Variants in UGT1A9 observed in about 807,000 individuals in gnomAD.
The protein encoded by UGT1A9 is UDP-glucuronosyltransferase 1A9.
A neutral mutation model predicts 45.0 loss-of-function variants in UGT1A9; 35 were observed. The observed-to-expected ratio is 0.78, with a 90% CI of 0.59 to 1.03. The LOEUF is 1.03. UGT1A9 is among the 50% of genes least tolerant of loss of function. The probability of loss-of-function intolerance (pLI) is 0.00; values close to 1 mark genes in which losing one functional copy is unlikely to be tolerated. For synonymous variants in UGT1A9, 278 were observed against 250.6 expected (o/e 1.11, Z -1.03); for missense variants, 687 against 666.6 (o/e 1.03, Z -0.34).
intron 1 of UGT1A9, among the ~76,000 whole-genome samples, chr2:233,733,415 C>T (rs778280209): frequency 6.6e-5 from 10 of 152,224 alleles, no homozygotes; most frequent in East Asian, 1.9e-4. Context: ...TTCCAGTTTT[C>T]GCCTACTCAG....
chr2:233,713,010 G>A (rs778526502), intron 1 of UGT1A9: 3 of 1,613,638 alleles, frequency 1.9e-6, no homozygotes, highest in Non-Finnish European at 2.5e-6. Context: ...AGGACTCCAG[G>A]TTCCCCTGCC....
At chr2:233,761,302 C>T (rs1697737544) in intron 1 of UGT1A9, 1 of 1,473,836 alleles carries the variant, frequency 6.8e-7, no homozygotes, top group Non-Finnish European at 9.2e-7. Context: ...AGGTTTGAGT[C>T]TGTCTTTGGC....
chr2:233,744,372 A>C (rs181518181), intron 1 of UGT1A9, among the ~76,000 whole-genome samples: 3 of 151,890 alleles, frequency 2.0e-5, no homozygotes. Flanking sequence ...TTAGGACTGC[A>C]GTTCTCCAAC....
intron 1 of UGT1A9, chr2:233,743,584 G>A: frequency 7.3e-7 from 1 of 1,367,326 alleles, no homozygotes; most frequent in Non-Finnish European, 9.8e-7. Flanking sequence ...AGAGGTCAAA[G>A]GAGAATGGGT....
intron 1 of UGT1A9, chr2:233,755,502 C>T (rs1234908381): frequency 5.5e-6 from 1 of 180,326 alleles, no homozygotes; most frequent in Non-Finnish European, 1.2e-5. Flanking sequence ...GCTCCAAGAC[C>T]AGGCCCCGCC....
At chr2:233,718,205 T>A (rs2076639631) in intron 1 of UGT1A9, among the ~76,000 whole-genome samples, 2 of 152,198 alleles carry the variant, frequency 1.3e-5, no homozygotes, top group Non-Finnish European at 2.9e-5. Flanking sequence ...AGCTTTTTTT[T>A]ATATTGACAG....
chr2:233,688,161 C>T (rs544073369), intron 1 of UGT1A9, among the ~76,000 whole-genome samples: 1 of 152,300 alleles, frequency 6.6e-6, no homozygotes, highest in East Asian at 1.9e-4. Flanking sequence ...CTATTCTGGG[C>T]ATTTCATGGA....
At chr2:233,705,534 G>A (rs2075855831) in intron 1 of UGT1A9, among the ~76,000 whole-genome samples, 1 of 152,186 alleles carries the variant, frequency 6.6e-6, no homozygotes, top group Non-Finnish European at 1.5e-5. Context: ...ACCTTCAGCT[G>A]TGAAGAGCAG....
At chr2:233,750,427 C>A (rs900891099) in intron 1 of UGT1A9, among the ~76,000 whole-genome samples, 6 of 151,902 alleles carry the variant, frequency 3.9e-5, no homozygotes, top group African/African-American at 1.5e-4. Flanking sequence ...AAGAAAAACC[C>A]ATTTTATGGG....
At position 233,725,197 on chromosome 2, in the gene UGT1A9, C is replaced by G. The variant is rs183860264; in HGVS notation, c.856-41837C>G. 1.8e-3 allele frequency among the ~76,000 whole-genome samples: 143 copies of G among 80,676 alleles called. 7 individuals are homozygous for G. The highest frequency in any genetic ancestry group is 6.4e-3 in the Middle Eastern group (1 of 156). The allele number at this position is 80,676 out of a possible 152,430, so 52.9% of individuals were successfully genotyped here. A position where few individuals can be genotyped will look rare whatever the true frequency, so the allele number is the denominator to read the frequency against. On this transcript the variant is annotated intron_variant, in intron 1 of 4. Transcript: ENST00000354728. ...CCGTGGGGAGAGGCAGAGGCAGAGG[C>G]AGAGGCAGAGGCAGAGGCAGAGGAG...
intron 1 of UGT1A9, chr2:233,693,364 C>T (rs200083350): frequency 1.9e-6 from 3 of 1,614,138 alleles, no homozygotes; most frequent in Non-Finnish European, 2.5e-6. Context: ...TTGTTATTGG[C>T]CTGTACTTCA....
chr2:233,713,255 A>T (rs1242833896), intron 1 of UGT1A9: 5 of 1,614,152 alleles, frequency 3.1e-6, no homozygotes, highest in Non-Finnish European at 4.2e-6. Flanking sequence ...CCCAGGACGA[A>T]TTTGATCGCC....
At chr2:233,755,804 T>G (rs1335569789) in intron 1 of UGT1A9, 3 of 152,158 alleles carry the variant, frequency 2.0e-5, no homozygotes, top group African/African-American at 7.2e-5. Context: ...CATTAGAGAT[T>G]AAAACAGAAT....
At chr2:233,732,709 C>T (rs540969589) in intron 1 of UGT1A9, among the ~76,000 whole-genome samples, 1 of 150,878 alleles carries the variant, frequency 6.6e-6, no homozygotes, top group Non-Finnish European at 1.5e-5. Context: ...GTTACTGTAG[C>T]CTTGTAGTAC....
chr2:233,687,558 A>G lies in UGT1A9; in HGVS notation c.855+14769A>G, dbSNP rs183508627. ...TATGCCTCAAGTAAGTGGGGGAGCC[A>G]GAATTCAAGACCATACATTCTTTGT... is the stretch of plus-strand genomic sequence containing the variant. On this transcript the variant is annotated intron_variant, in intron 1 of 4. Transcript: ENST00000354728. 6.0e-5 allele frequency among the ~76,000 whole-genome samples: 9 copies of G among 149,652 alleles called. No individual in the cohort carries two copies. In the East Asian group the frequency reaches 1.6e-3, roughly 26 times the overall value.
At chr2:233,743,605 G>C in intron 1 of UGT1A9, 5 of 1,367,304 alleles carry the variant, frequency 3.7e-6, no homozygotes, top group Non-Finnish European at 4.9e-6. Flanking sequence ...CCTGGCCGCC[G>C]AAGAACTCCC....
chr2:233,712,229 A>G (rs939024540), intron 1 of UGT1A9, among the ~76,000 whole-genome samples: 2 of 152,174 alleles, frequency 1.3e-5, no homozygotes, highest in African/African-American at 4.8e-5. Context: ...TGAACCCACC[A>G]TGGGTCTTTG....
At chr2:233,693,369 A>G (rs2075149103) in intron 1 of UGT1A9, 2 of 1,614,190 alleles carry the variant, frequency 1.2e-6, no homozygotes, top group Non-Finnish European at 1.7e-6. Context: ...ATTGGCCTGT[A>G]CTTCATCAAC....
chr2:233,742,383 G>T (rs1224558474), intron 1 of UGT1A9, among the ~76,000 whole-genome samples: 1 of 151,994 alleles, frequency 6.6e-6, no homozygotes, highest in African/African-American at 2.4e-5. Flanking sequence ...AGGCACAGAT[G>T]GCTCATGTTA....
Sources: allele counts gnomAD v4.1 joint callset (sites outside exome capture counted in the v4.1 genomes callset), GRCh38; gene constraint gnomAD v4.1.1; transcripts MANE v1.5; gene names NCBI Gene and HGNC (gene_info 2026-07-23, HGNC 2026-07-21).